The following ANKFN1 variants were observed in gnomAD, a reference collection of about 807,000 sequenced individuals.
ANKFN1 encodes the protein ankyrin repeat and fibronectin type-III domain-containing protein 1.
ANKFN1 carries 74 observed loss-of-function variants against 108.7 expected under a neutral mutation model. That is an observed-to-expected ratio of 0.68 (90% CI 0.56 to 0.83). The LOEUF is 0.83. Ranked by LOEUF, ANKFN1 falls within the 40% of genes least tolerant of loss-of-function variation. ANKFN1 has a pLI of 0.00. For synonymous variants in ANKFN1, 547 were observed against 516.2 expected (o/e 1.06, Z -0.81); for missense variants, 1,505 against 1,382.3 (o/e 1.09, Z -1.41).
rs1164641335 is a variant in ANKFN1, at chr17:56,101,787, C to T, written c.288+55462C>T. Among the ~76,000 whole-genome samples the T allele has an allele frequency of 2.0e-5, 3 of 152,120 alleles. No homozygotes were observed. In the East Asian group the frequency reaches 5.8e-4, roughly 29 times the overall value. ...TCATTCAGAAATAGTTTGAGAAGCA[C>T]ATGTTGACCAGTCTCTTGCATCAGA... is the stretch of plus-strand genomic sequence containing the variant. On this transcript the variant is annotated intron_variant, in intron 4 of 12. Transcript: ENST00000635860.
chr17:56,442,328 T>C (rs912229865), intron 9 of ANKFN1, among the ~76,000 whole-genome samples: 1 of 152,212 alleles, frequency 6.6e-6, no homozygotes, highest in African/African-American at 2.4e-5. Context: ...CAGTGAAATG[T>C]ATGCAGACAC....
At chr17:56,105,622 C>A (rs1240911054) in intron 4 of ANKFN1, among the ~76,000 whole-genome samples, 1 of 151,236 alleles carries the variant, frequency 6.6e-6, no homozygotes, top group African/African-American at 2.4e-5. Context: ...TCCTCTCTGT[C>A]TGTCATTTTT....
intron 4 of ANKFN1, among the ~76,000 whole-genome samples, chr17:56,058,440 G>A (rs1904917568): frequency 6.6e-6 from 1 of 152,160 alleles, no homozygotes; most frequent in Non-Finnish European, 1.5e-5. Flanking sequence ...TAAACCTCAT[G>A]AACCAACCTC....
intron 4 of ANKFN1, among the ~76,000 whole-genome samples, chr17:56,050,699 T>C (rs1057381323): frequency 7.2e-5 from 11 of 151,978 alleles, no homozygotes; most frequent in Admixed American, 1.3e-4. Context: ...GATCAGATAG[T>C]TGTAGATATG....
At chr17:56,255,511 G>A (rs1156559606) in intron 3 of ANKFN1, among the ~76,000 whole-genome samples, 4 of 152,124 alleles carry the variant, frequency 2.6e-5, no homozygotes, top group Non-Finnish European at 4.4e-5. Flanking sequence ...TGAAAATACT[G>A]CATTTCCATC....
intron 4 of ANKFN1, among the ~76,000 whole-genome samples, chr17:56,331,119 T>C (rs1567919180): frequency 6.6e-6 from 1 of 152,168 alleles, no homozygotes; most frequent in African/African-American, 2.4e-5. Flanking sequence ...CTAGTTCACA[T>C]CACAGCTAGA....
At chr17:56,162,297 G>A (rs1909727525) in intron 1 of ANKFN1, among the ~76,000 whole-genome samples, 1 of 152,234 alleles carries the variant, frequency 6.6e-6, no homozygotes, top group Admixed American at 6.5e-5. Flanking sequence ...CATAGACTGA[G>A]TGGCTTCAGC....
At chr17:56,227,582 A>G (rs1916377020) in intron 2 of ANKFN1, among the ~76,000 whole-genome samples, 1 of 152,130 alleles carries the variant, frequency 6.6e-6, no homozygotes, top group African/African-American at 2.4e-5. Flanking sequence ...CGTCTAAGCC[A>G]CTGAATGAGC....
chr17:56,499,149 C>T, intron 20 of ANKFN1, 51 bp downstream of exon 20: 1 of 1,484,048 alleles, frequency 6.7e-7, no homozygotes, highest in South Asian at 1.2e-5. Flanking sequence ...ACTTTTGATC[C>T]TCTCTTCACT....
At chr17:56,477,460 C>CTTTTTT in intron 15 of ANKFN1, 28 bp from the exon 16 acceptor site, 1 of 1,347,602 alleles carries the variant, frequency 7.4e-7, no homozygotes, top group Non-Finnish European at 9.7e-7. Context: ...TTCTTGTTTT[C>CTTTTTT]TTTTTTTTTT....
intron 1 of ANKFN1, among the ~76,000 whole-genome samples, chr17:56,209,749 A>G (rs1392630787): frequency 1.3e-5 from 2 of 152,032 alleles, no homozygotes; most frequent in Non-Finnish European, 2.9e-5. Context: ...GTGATTTCTG[A>G]GATTTTGGTG....
chr17:56,286,445 G>A (rs2044218647), intron 3 of ANKFN1, among the ~76,000 whole-genome samples: 1 of 152,132 alleles, frequency 6.6e-6, no homozygotes, highest in South Asian at 2.1e-4. Context: ...AAGATTCAAA[G>A]GTTGAAGATA....
At position 56,467,735 on chromosome 17, in the gene ANKFN1, GAAAGAAAC is replaced by G. The variant is rs1196050186; in HGVS notation, c.1773+1172_1773+1179del. 1.4e-4 allele frequency among the ~76,000 whole-genome samples: 16 copies of G among 115,608 alleles called. No homozygotes were observed. The South Asian group carries it at 1.5e-3, about 11-fold the overall frequency. The allele number at this position is 115,608 out of a possible 152,430, so 75.8% of individuals were successfully genotyped here. ...AGAGAGAAAGAAAGAAAGAGAGAAA[GAAAGAAAC>G]AAAGAAAGAAAGAAAGAAAGAAAGA... is the stretch of plus-strand genomic sequence containing the variant. On this transcript the variant is annotated intron_variant, in intron 15 of 20. Coordinates refer to ENST00000682825, the MANE Select transcript of ANKFN1 (RefSeq NM_001370326.1).
chr17:56,442,232 T>C (rs1254988597), intron 9 of ANKFN1, among the ~76,000 whole-genome samples: 1 of 152,216 alleles, frequency 6.6e-6, no homozygotes, highest in East Asian at 1.9e-4. Flanking sequence ...TATTGCAGCA[T>C]GTTTATTGTA....
chr17:56,094,755 C>CAG (rs1186415320), intron 4 of ANKFN1, among the ~76,000 whole-genome samples: 1 of 146,576 alleles, frequency 6.8e-6, no homozygotes, highest in Non-Finnish European at 1.5e-5. Flanking sequence ...CTCCTGACTT[C>CAG]GTGATCCACC....
intron 1 of ANKFN1, among the ~76,000 whole-genome samples, chr17:56,159,693 A>G (rs1485008373): frequency 1.3e-5 from 2 of 152,206 alleles, no homozygotes; most frequent in Non-Finnish European, 1.5e-5. Flanking sequence ...CTTTAGCACC[A>G]GTAGTTACTG....
At chr17:56,246,352 C>T (rs528134497) in intron 3 of ANKFN1, among the ~76,000 whole-genome samples, 2 of 152,132 alleles carry the variant, frequency 1.3e-5, no homozygotes, top group Non-Finnish European at 2.9e-5. Context: ...CTGCTCTATT[C>T]CCTTCTGTGA....
intron 4 of ANKFN1, among the ~76,000 whole-genome samples, chr17:56,145,257 G>A (rs1182411859): frequency 6.6e-6 from 1 of 152,238 alleles, no homozygotes; most frequent in Non-Finnish European, 1.5e-5. Flanking sequence ...TGAGCTGTCA[G>A]ACCAACAGAC....
intron 8 of ANKFN1, among the ~76,000 whole-genome samples, chr17:56,439,790 C>T (rs1028428430): frequency 2.6e-5 from 4 of 152,114 alleles, no homozygotes; most frequent in African/African-American, 9.7e-5. Context: ...TAGAATATGG[C>T]GAAGCAGATG....
Sources: gnomAD v4.1 joint callset for allele counts (sites outside exome capture counted in the v4.1 genomes callset) on GRCh38, gnomAD v4.1.1 for gene constraint, MANE v1.5 for transcripts, NCBI Gene and HGNC (gene_info 2026-07-23, HGNC 2026-07-21) for gene names.